The following ARMH3 variants were observed in gnomAD, a reference collection of about 807,000 sequenced individuals.
ARMH3 encodes armadillo like helical domain containing 3.
Under a neutral mutation model 99.1 loss-of-function variants are expected in ARMH3, and 60 were observed. That is an observed-to-expected ratio of 0.61 (90% CI 0.49 to 0.75). The LOEUF is 0.75. ARMH3 is among the 30% of genes least tolerant of loss of function. The pLI is 0.00. For synonymous variants in ARMH3, 285 were observed against 292.8 expected, an observed-to-expected ratio of 0.97 and a Z score of 0.27; for missense variants, 679 against 843.1, an observed-to-expected ratio of 0.81 and a Z score of 2.41.
intron 2 of ARMH3, among the ~76,000 whole-genome samples, chr10:102,036,256 G>T (rs1315139636): frequency 6.7e-6 from 1 of 148,622 alleles, no homozygotes; most frequent in Non-Finnish European, 1.5e-5. Context: ...GGAGGGAGAT[G>T]GGGGGGCACA....
Position 102,033,001 on chromosome 10 carries a change from C to T in ARMH3, c.306+25G>A, listed in dbSNP as rs571534995. 416 of 1,611,112 alleles carry T rather than the reference C, an allele frequency of 2.6e-4. 6 individuals carry two copies. In the South Asian group the frequency reaches 4.4e-3, roughly 17 times the overall value. ...AATTCCTTTCTCCTGTTAAACAAGA[C>T]TTCCCCAGTCTCCCAGCCTTGTACC... On this transcript the variant is annotated intron_variant, in intron 4 of 25. Coordinates refer to ENST00000370033, the MANE Select transcript of ARMH3 (RefSeq NM_024541.3).
At chr10:101,935,519 A>C (rs1472121943) in intron 23 of ARMH3, among the ~76,000 whole-genome samples, 1 of 152,224 alleles carries the variant, frequency 6.6e-6, no homozygotes, top group Non-Finnish European at 1.5e-5. Flanking sequence ...AGAAAGGTCT[A>C]CAGCCTTCCT....
chr10:101,934,140 A>G (rs1038390379), intron 23 of ARMH3, among the ~76,000 whole-genome samples: 1 of 152,148 alleles, frequency 6.6e-6, no homozygotes, highest in African/African-American at 2.4e-5. Flanking sequence ...AGGATGTTAT[A>G]CTCAATAACC....
intron 13 of ARMH3, among the ~76,000 whole-genome samples, chr10:102,007,159 C>CACAAAAA (rs2066513347): frequency 1.7e-5 from 1 of 60,054 alleles, no homozygotes; most frequent in Admixed American, 2.5e-4. Flanking sequence ...GACTCTATCT[C>CACAAAAA]AAAAAAAAAA....
At chr10:101,996,128 C>T (rs1260959111) in intron 15 of ARMH3, among the ~76,000 whole-genome samples, 1 of 152,202 alleles carries the variant, frequency 6.6e-6, no homozygotes, top group Non-Finnish European at 1.5e-5. Context: ...GTACGAGAAC[C>T]CATCAAGCTT....
intron 24 of ARMH3, among the ~76,000 whole-genome samples, chr10:101,883,114 G>C (rs1280598057): frequency 2.6e-5 from 4 of 152,078 alleles, no homozygotes; most frequent in Non-Finnish European, 5.9e-5. Flanking sequence ...CTTTTTCCTA[G>C]TTTGAAAAGT....
chr10:101,850,406 T>C (rs2066568451), intron 24 of ARMH3, among the ~76,000 whole-genome samples: 1 of 148,630 alleles, frequency 6.7e-6, no homozygotes, highest in African/African-American at 2.5e-5. Context: ...GCCAACTTTC[T>C]AATCTCTCTC....
In ARMH3 at chr10:102,013,981, T is replaced by C; in HGVS notation, c.713A>G (p.Glu238Gly). ...YIVKLSIVDD[E>G]ATLNGMGLVI... ...CCAGATACTCACATTGAGTGTGGCCTCATCATCCACGATAGACAGCTTCAC... is the reference window on the plus strand; with the variant it reads ...CCAGATACTCACATTGAGTGTGGCCCCATCATCCACGATAGACAGCTTCAC... Residue 238 changes from glutamate to glycine, a missense_variant, in exon 9 of 26, where the codon GAG (glutamate) becomes GGG (glycine). Transcript: ENST00000370033. 6.2e-7 allele frequency: 1 copy of C among 1,609,962 alleles called. No individual in the cohort carries two copies.
At chr10:101,959,022 T>C (rs1398984151) in intron 20 of ARMH3, among the ~76,000 whole-genome samples, 2 of 152,188 alleles carry the variant, frequency 1.3e-5, no homozygotes, top group Admixed American at 1.3e-4. Context: ...ATGAAGGAGA[T>C]AGGCATCTTC....
intron 19 of ARMH3, among the ~76,000 whole-genome samples, chr10:101,978,583 A>C (rs1846104202): frequency 6.6e-6 from 1 of 152,020 alleles, no homozygotes; most frequent in Non-Finnish European, 1.5e-5. Context: ...GGATCACTTG[A>C]AGCCAGAAAT....
chr10:101,948,073 G>A (rs556461832), intron 22 of ARMH3, among the ~76,000 whole-genome samples: 72 of 152,196 alleles, frequency 4.7e-4, no homozygotes, highest in Non-Finnish European at 6.6e-4. Context: ...AACAAAATAC[G>A]TGGTAGAACT....
At chr10:102,031,427 C>T (rs1034046948) in intron 4 of ARMH3, among the ~76,000 whole-genome samples, 2 of 152,138 alleles carry the variant, frequency 1.3e-5, no homozygotes, top group Non-Finnish European at 2.9e-5. Flanking sequence ...AACTTATTTC[C>T]ACTGAAATAA....
intron 16 of ARMH3, 64 bp from the exon 17 acceptor site, chr10:101,993,667 CACTTCGT>C: frequency 1.8e-6 from 2 of 1,109,518 alleles, no homozygotes; most frequent in Non-Finnish European, 2.7e-6. Context: ...TAATCTATCA[CACTTCGT>C]ACAAATCCTT....
intron 20 of ARMH3, among the ~76,000 whole-genome samples, chr10:101,968,259 T>C (rs1055888741): frequency 7.2e-5 from 11 of 152,068 alleles, no homozygotes; most frequent in Admixed American, 6.6e-4. Flanking sequence ...TAGGGCCCTA[T>C]ACCACCTGCT....
At chr10:102,007,159 C>CAAAAAAAAAAAAAAAAAAAAAAAAAA (rs10639768) in intron 13 of ARMH3, among the ~76,000 whole-genome samples, 3 of 60,044 alleles carry the variant, frequency 5.0e-5, no homozygotes, top group African/African-American at 7.1e-5. Context: ...GACTCTATCT[C>CAAAAAAAAAAAAAAAAAAAAAAAAAA]AAAAAAAAAA....
At chr10:101,886,230 C>T (rs1564721021) in intron 24 of ARMH3, among the ~76,000 whole-genome samples, 1 of 151,260 alleles carries the variant, frequency 6.6e-6, no homozygotes, top group African/African-American at 2.4e-5. Flanking sequence ...AATGTATGAC[C>T]AGGCTGGGTG....
intron 15 of ARMH3, among the ~76,000 whole-genome samples, chr10:101,997,858 G>A (rs747549961): frequency 1.2e-4 from 19 of 152,076 alleles, no homozygotes; most frequent in East Asian, 1.9e-4. Context: ...TCCTCATGGC[G>A]GTGGTGGAAA....
At chr10:101,954,445 T>C (rs1331233501) in intron 22 of ARMH3, among the ~76,000 whole-genome samples, 1 of 152,240 alleles carries the variant, frequency 6.6e-6, no homozygotes, top group Non-Finnish European at 1.5e-5. Context: ...CAAAAGGTTA[T>C]ATCATTCCAT....
intron 22 of ARMH3, among the ~76,000 whole-genome samples, chr10:101,944,273 T>TATATATATAG (rs1844401380): frequency 5.1e-4 from 13 of 25,408 alleles, no homozygotes; most frequent in Non-Finnish European, 7.3e-4. Context: ...TATATATATA[T>TATATATATAG]AGAGAGAGAG....
Sources: gnomAD v4.1 joint callset for allele counts (sites outside exome capture counted in the v4.1 genomes callset) on GRCh38, gnomAD v4.1.1 for gene constraint, MANE v1.5 for transcripts, NCBI Gene and HGNC (gene_info 2026-07-23, HGNC 2026-07-21) for gene names.